PLXNA4: variants seen among roughly 807,000 people sequenced by gnomAD.
PLXNA4 encodes the protein plexin A4.
A neutral mutation model predicts 191.8 loss-of-function variants in PLXNA4; 44 were observed. That is an observed-to-expected ratio of 0.23 (90% CI 0.18 to 0.29). The LOEUF (loss-of-function observed/expected upper bound fraction) is 0.29. Ranked by LOEUF, PLXNA4 falls within the 10% of genes least tolerant of loss-of-function variation. The pLI is 1.00. For synonymous variants in PLXNA4, 1,082 were observed against 1,009.5 expected (o/e 1.07, Z -1.36); for missense variants, 1,800 against 2,488.8 (o/e 0.72, Z 5.89).
At chr7:132,439,454 C>A (rs1795602733) in intron 3 of PLXNA4, among the ~76,000 whole-genome samples, 1 of 151,506 alleles carries the variant, frequency 6.6e-6, no homozygotes, top group Admixed American at 6.6e-5. Context: ...CACAATATAT[C>A]CATACATACA....
chr7:132,479,163 G>A (rs549772908), intron 3 of PLXNA4, among the ~76,000 whole-genome samples: 25 of 152,086 alleles, frequency 1.6e-4, no homozygotes, highest in South Asian at 1.2e-3. Context: ...CAGGTACTTC[G>A]GCGACTGAGA....
chr7:132,565,998 T>G (rs931782353), intron 1 of PLXNA4, among the ~76,000 whole-genome samples: 2 of 152,216 alleles, frequency 1.3e-5, no homozygotes, highest in African/African-American at 4.8e-5. Flanking sequence ...AGCTGGGACT[T>G]GATTTACTGC....
intron 30 of PLXNA4, among the ~76,000 whole-genome samples, chr7:132,140,019 G>A (rs762675360): frequency 1.3e-5 from 2 of 152,130 alleles, no homozygotes; most frequent in Non-Finnish European, 2.9e-5. Context: ...GCTCATAGGG[G>A]GACCTTCAGT....
upstream of PLXNA4, among the ~76,000 whole-genome samples, chr7:132,581,457 C>T (rs567109713): frequency 1.3e-5 from 2 of 152,364 alleles, no homozygotes; most frequent in South Asian, 4.1e-4. Flanking sequence ...CCCTCCCTGT[C>T]TCCTCCCATT....
intron 12 of PLXNA4, among the ~76,000 whole-genome samples, chr7:132,199,159 C>A (rs1013986135): frequency 1.3e-5 from 2 of 152,160 alleles, no homozygotes; most frequent in Admixed American, 1.3e-4. Flanking sequence ...ATTCTTTGTG[C>A]CTGTTCTTCA....
chr7:132,545,630 C>T lies in PLXNA4; in HGVS notation c.-87+30792G>A, dbSNP rs146194198. On this transcript the variant is annotated intron_variant, in intron 1 of 31. Transcript: ENST00000321063. ...CCCTATAAATGTGCTCATTTTTTCT[C>T]TCCAAATGCCTTTATTCCAGAAGAA... Among the ~76,000 whole-genome samples, 817 of 152,210 alleles carry T rather than the reference C, an allele frequency of 5.4e-3. 14 individuals are homozygous for T. The highest frequency in any genetic ancestry group is 0.019 in the African/African-American group (785 of 41,540).
At chr7:132,239,958 A>G (rs1394184220) in intron 5 of PLXNA4, among the ~76,000 whole-genome samples, 1 of 152,176 alleles carries the variant, frequency 6.6e-6, no homozygotes, top group Non-Finnish European at 1.5e-5. Flanking sequence ...ACTATGCCTG[A>G]GACTGCCACC....
At chr7:132,343,174 A>G (rs193179296) in intron 3 of PLXNA4, among the ~76,000 whole-genome samples, 61 of 152,252 alleles carry the variant, frequency 4.0e-4, no homozygotes, top group Non-Finnish European at 4.4e-5. Context: ...AAATAATACA[A>G]ATTAGACTGG....
At position 132,221,232 on chromosome 7, in the gene PLXNA4, G is replaced by A. The variant is rs558636666; in HGVS notation, c.2097+2295C>T. On this transcript the variant is annotated intron_variant, in intron 9 of 31. Coordinates refer to ENST00000321063, the MANE Select transcript of PLXNA4 (RefSeq NM_020911.2). Reference sequence around the variant, plus strand: ...AAGAAAGAAATTTGGTACAAGAAGAGCAAACAAGAAAGAAAAAGCAGAAAT... The same window carrying A: ...AAGAAAGAAATTTGGTACAAGAAGAACAAACAAGAAAGAAAAAGCAGAAAT... Among the ~76,000 whole-genome samples the A allele has an allele frequency of 2.7e-3, 418 of 152,226 alleles. 2 individuals are homozygous for A. The highest frequency in any genetic ancestry group is 9.8e-3 in the African/African-American group (407 of 41,522).
intron 18 of PLXNA4, among the ~76,000 whole-genome samples, 192 bp from the exon 19 acceptor site, chr7:132,180,924 T>C (rs7809724): frequency 0.077 from 11,704 of 152,298 alleles, 690 homozygotes; most frequent in African/African-American, 0.16. Flanking sequence ...GGCTAATCAG[T>C]TATCAAAGTA....
At chr7:132,175,717 C>G (rs1250407449) in intron 20 of PLXNA4, among the ~76,000 whole-genome samples, 2 of 152,198 alleles carry the variant, frequency 1.3e-5, no homozygotes, top group East Asian at 3.9e-4. Flanking sequence ...ACATCCTCCC[C>G]CAGGGCCACC....
chr7:132,615,966 T>TCTCTCTCTCTCTCTCTCTCTCTC (rs1285560133), intron 2 of PLXNA4, among the ~76,000 whole-genome samples: 22 of 145,942 alleles, frequency 1.5e-4, no homozygotes, highest in Non-Finnish European at 1.8e-4. Context: ...TCTCTCTCTA[T>TCTCTCTCTCTCTCTCTCTCTCTC]TCCCCACCGC....
Position 132,131,634 on chromosome 7 carries a change from G to A in PLXNA4, c.5590-1060C>T, listed in dbSNP as rs188582517. Among the ~76,000 whole-genome samples, 340 of 152,354 alleles carry A rather than the reference G, an allele frequency of 2.2e-3. 1 individual carries two copies. The highest frequency in any genetic ancestry group is 2.6e-3 in the Non-Finnish European group (175 of 68,028). ...TGGCCAAGAACTGTCATTTGTACGC[G>A]CCATCATTTCATAGATGGGTTATTT... On this transcript the variant is annotated intron_variant, in intron 31 of 31. Transcript: ENST00000321063.
At chr7:132,216,665 C>T (rs573801543) in intron 9 of PLXNA4, among the ~76,000 whole-genome samples, 1 of 152,328 alleles carries the variant, frequency 6.6e-6, no homozygotes, top group South Asian at 2.1e-4. Context: ...GTTTCAGACA[C>T]ACACACAGAC....
chr7:132,541,293 T>C (rs921131832), intron 1 of PLXNA4, among the ~76,000 whole-genome samples: 1 of 152,206 alleles, frequency 6.6e-6, no homozygotes, highest in Non-Finnish European at 1.5e-5. Flanking sequence ...CAACTGACTG[T>C]GCTAAAATGT....
At chr7:132,587,293 T>C (rs149235420) in intron 2 of PLXNA4, among the ~76,000 whole-genome samples, 2 of 152,352 alleles carry the variant, frequency 1.3e-5, no homozygotes, top group Non-Finnish European at 2.9e-5. Flanking sequence ...AGCTGCTGCA[T>C]TCCTTCTGTG....
chr7:132,586,075 A>G (rs1401783803), intron 2 of PLXNA4, among the ~76,000 whole-genome samples: 1 of 152,206 alleles, frequency 6.6e-6, no homozygotes, highest in Non-Finnish European at 1.5e-5. Flanking sequence ...ATCCTTGTAG[A>G]ACACCAGGCA....
intron 3 of PLXNA4, among the ~76,000 whole-genome samples, chr7:132,483,733 C>G (rs1204376435): frequency 6.6e-6 from 1 of 152,164 alleles, no homozygotes; most frequent in Non-Finnish European, 1.5e-5. Context: ...ATCAATAAAT[C>G]TTGAATTGGC....
chr7:132,185,390 C>T lies in PLXNA4; in HGVS notation c.3067G>A (p.Val1023Met), dbSNP rs1272817061. The T allele has an allele frequency of 1.2e-6, 2 of 1,614,130 alleles. No homozygotes were observed. ...TCCTGGTGGATCTTGGCCCTGTCCACCTGCACCGACACCTTCATCTCTAGC... is the reference window on the plus strand; with the variant it reads ...TCCTGGTGGATCTTGGCCCTGTCCATCTGCACCGACACCTTCATCTCTAGC... ...EVLEMKVSVQ[V>M]DRAKIHQDLV... The change falls in exon 16 of 32, where the codon GTG becomes ATG. Residue 1023 changes from valine (V) to methionine (M), a missense_variant. Transcript: ENST00000321063.
Sources: allele counts gnomAD v4.1 joint callset (sites outside exome capture counted in the v4.1 genomes callset), GRCh38; gene constraint gnomAD v4.1.1; transcripts MANE v1.5; gene names NCBI Gene and HGNC (gene_info 2026-07-23, HGNC 2026-07-21).